Variants in DNAH5 observed in about 807,000 individuals in gnomAD.
DNAH5 encodes dynein axonemal heavy chain 5, also known as axonemal beta dynein heavy chain 5.
In DNAH5, 372 loss-of-function variants were observed where a neutral mutation model predicts 518.2. That is an observed-to-expected ratio of 0.72 (90% confidence interval 0.66 to 0.78). The LOEUF (loss-of-function observed/expected upper bound fraction) is 0.78, where lower values mean the gene tolerates loss of function less well. DNAH5 is among the 30% of genes least tolerant of loss of function. The probability of loss-of-function intolerance (pLI) is 0.00; values close to 1 mark genes in which losing one functional copy is unlikely to be tolerated. For missense variants in DNAH5, 5,523 were observed against 5,687.0 expected (o/e 0.97, Z 0.93); for synonymous variants, 2,039 against 2,025.9 (o/e 1.01, Z -0.17).
chr5:13,923,039 T>C (rs763572227), intron 4 of DNAH5, among the ~76,000 whole-genome samples: 13 of 152,216 alleles, frequency 8.5e-5, no homozygotes, highest in Non-Finnish European at 1.6e-4. Context: ...CTCACTGTTA[T>C]ACACACACCC....
At chr5:13,912,151 C>A (rs962475485) in intron 11 of DNAH5, among the ~76,000 whole-genome samples, 6 of 152,098 alleles carry the variant, frequency 3.9e-5, no homozygotes, top group African/African-American at 1.4e-4. Flanking sequence ...TAATGCTCTG[C>A]GATTCTTCTT....
chr5:13,735,794 T>C, intron 67 of DNAH5, 24 bp downstream of exon 67: 8 of 1,566,570 alleles, frequency 5.1e-6, no homozygotes, highest in Non-Finnish European at 7.0e-6. Context: ...AGAATTCAGC[T>C]TGGCTTCCCG....
At chr5:13,735,749 A>T in intron 67 of DNAH5, 69 bp downstream of exon 67, 1 of 1,181,146 alleles carries the variant, frequency 8.5e-7, no homozygotes, top group Non-Finnish European at 1.3e-6. Flanking sequence ...GAAGGAAGTT[A>T]TAAATGTAAT....
intron 56 of DNAH5, 71 bp downstream of exon 56, chr5:13,770,678 A>G: frequency 7.1e-7 from 1 of 1,410,362 alleles, no homozygotes. Context: ...CAAAATAGCC[A>G]CCAGGGCAAA....
At chr5:13,854,913 A>G (rs997557349) in intron 30 of DNAH5, among the ~76,000 whole-genome samples, 1 of 152,232 alleles carries the variant, frequency 6.6e-6, no homozygotes, top group Non-Finnish European at 1.5e-5. Flanking sequence ...CCCACACAAT[A>G]ATAGTGGGAG....
At chr5:13,877,470 G>A (rs1225039654) in intron 21 of DNAH5, among the ~76,000 whole-genome samples, 1 of 152,184 alleles carries the variant, frequency 6.6e-6, no homozygotes, top group Non-Finnish European at 1.5e-5. Flanking sequence ...GGAGAAGAAT[G>A]AAGTCAGCAA....
At chr5:13,702,808 A>C (rs893867694) in intron 76 of DNAH5, among the ~76,000 whole-genome samples, 2 of 152,092 alleles carry the variant, frequency 1.3e-5, no homozygotes, top group African/African-American at 4.8e-5. Context: ...CTGCCTGCAG[A>C]ACTCACTGCC....
intron 58 of DNAH5, among the ~76,000 whole-genome samples, chr5:13,766,715 A>G (rs1752562243): frequency 6.6e-6 from 1 of 152,222 alleles, no homozygotes; most frequent in Non-Finnish European, 1.5e-5. Context: ...GACTTGAGCA[A>G]TAAGAATTTT....
intron 58 of DNAH5, among the ~76,000 whole-genome samples, chr5:13,768,195 C>T (rs895685773): frequency 2.6e-5 from 4 of 152,152 alleles, no homozygotes; most frequent in African/African-American, 4.8e-5. Flanking sequence ...AGGGAGGGAC[C>T]TGGTGGGAGG....
At chr5:13,946,048 G>A (rs1159147088), upstream of DNAH5, among the ~76,000 whole-genome samples, 1 of 152,098 alleles carries the variant, frequency 6.6e-6, no homozygotes, top group African/African-American at 2.4e-5. Context: ...CAGTAGGATC[G>A]GATCCTCCTC....
chr5:14,007,718 CT>C (rs1784815817), intron 1 of DNAH5, among the ~76,000 whole-genome samples: 1 of 152,214 alleles, frequency 6.6e-6, no homozygotes, highest in African/African-American at 2.4e-5. Context: ...GGCCACTGAT[CT>C]TGCTGTAAGT....
Position 13,817,458 on chromosome 5 carries a change from C to A in DNAH5, c.6988+90G>T, listed in dbSNP as rs1362935447. 6.0e-6 allele frequency: 8 copies of A among 1,323,692 alleles called. No individual in the cohort carries two copies. The East Asian group carries it at 1.6e-4, about 27-fold the overall frequency. 82.0% of individuals were successfully genotyped at this position (1,323,692 alleles called of 1,614,324 possible). ...TAGTCTTGGCTAAGATATTATACAG[C>A]AAATACAGTTGTTCTACTAATTCTG... On this transcript the variant is annotated intron_variant, in intron 42 of 78. Transcript: ENST00000265104.
In DNAH5 at chr5:13,824,206, G is replaced by C. The variant is rs755379874; in HGVS notation, c.6572C>G (p.Ser2191Cys). The C allele has an allele frequency of 6.2e-7, 1 of 1,614,014 alleles. No individual in the cohort carries two copies. Among genetic ancestry groups the C allele is most frequent in the Non-Finnish European group, 8.5e-7 (1 of 1,179,976 alleles). ...VMRVLRDMNL[S>C]KLIDEDEPLF... ...TCCATCTGTGAGTCTTACCAGTTTA[G>C]AAAGATTCATGTCCCGTAGTACACG... The change falls in exon 39 of 79, where the codon TCT becomes TGT. Residue 2191 changes from serine (S) to cysteine (C), a missense_variant. Physicochemically the swap from Ser to Cys is moderately radical, Grantham distance 112. Coordinates refer to ENST00000265104, the MANE Select transcript of DNAH5 (RefSeq NM_001369.3).
At chr5:13,990,722 C>T (rs887304923) in intron 1 of DNAH5, among the ~76,000 whole-genome samples, 1 of 151,932 alleles carries the variant, frequency 6.6e-6, no homozygotes. Context: ...ACAAAATTAG[C>T]CAGGCATGGT....
rs78638246 is a variant in DNAH5 at position 13,890,738 on chromosome 5, G to A, written c.2577+238C>T. Among the ~76,000 whole-genome samples, 3,315 of 152,232 alleles carry A rather than the reference G, an allele frequency of 0.022. 124 individuals carry two copies. The highest frequency in any genetic ancestry group is 0.074 in the African/African-American group (3,078 of 41,516). The stretch of plus-strand genomic sequence containing the variant: ...TGGAAAAATTCCAAGTGTGTTCTAT[G>A]GCAATTTCTCTCCTACTGATCTGAA... On this transcript the variant is annotated intron_variant, in intron 17 of 78. Transcript: ENST00000265104.
chr5:13,853,449 C>A (rs539355913), intron 30 of DNAH5, among the ~76,000 whole-genome samples: 1 of 151,968 alleles, frequency 6.6e-6, no homozygotes, highest in Non-Finnish European at 1.5e-5. Flanking sequence ...TTCCAAAAAC[C>A]AGAATGCCTC....
intron 52 of DNAH5, among the ~76,000 whole-genome samples, chr5:13,783,661 A>T (rs1384986327): frequency 6.6e-6 from 1 of 152,238 alleles, no homozygotes; most frequent in East Asian, 1.9e-4. Context: ...CAAAAGAGGT[A>T]TCACACAGAT....
chr5:13,935,294 A>G (rs929730899), intron 1 of DNAH5, among the ~76,000 whole-genome samples: 1 of 152,178 alleles, frequency 6.6e-6, no homozygotes. Flanking sequence ...ATTGTTTCTG[A>G]TTCCAGAGAA....
chr5:13,898,010 G>T (rs1206949202), intron 15 of DNAH5: 1 of 152,220 alleles, frequency 6.6e-6, no homozygotes, highest in East Asian at 1.9e-4. Context: ...CATACTGGAA[G>T]GCCATGTATA....
Sources: gnomAD v4.1 joint callset for allele counts (sites outside exome capture counted in the v4.1 genomes callset) on GRCh38, gnomAD v4.1.1 for gene constraint, MANE v1.5 for transcripts, NCBI Gene and HGNC (gene_info 2026-07-23, HGNC 2026-07-21) for gene names.